The following MAST4 variants were observed in gnomAD, a reference collection of about 807,000 sequenced individuals.
MAST4 encodes microtubule-associated serine/threonine-protein kinase 4.
MAST4 carries 89 observed loss-of-function variants against 162.7 expected under a neutral mutation model. The observed-to-expected ratio is 0.55, with a 90% confidence interval of 0.46 to 0.65. MAST4 has a LOEUF of 0.65. Ranked by LOEUF, MAST4 falls within the 30% of genes least tolerant of loss-of-function variation. The pLI is 0.00. For synonymous variants in MAST4, 1,479 were observed against 1,361.1 expected, an observed-to-expected ratio of 1.09 and a Z score of -1.91; for missense variants, 3,153 against 3,374.0, an observed-to-expected ratio of 0.93 and a Z score of 1.62.
rs1446031507 is a variant in MAST4, at chr5:67,165,673, C to T, written c.6494C>T (p.Ala2165Val). The T allele has an allele frequency of 6.3e-7, 1 of 1,593,384 alleles. No individual in the cohort carries two copies. Among genetic ancestry groups the T allele is most frequent in the Admixed American group, 1.8e-5 (1 of 56,352 alleles). The change falls in exon 29 of 29, where the codon GCC becomes GTC. Residue 2165 changes from alanine (A) to valine (V), a missense_variant. Ala to Val is a moderately conservative substitution (Grantham distance 64). Coordinates refer to ENST00000403625, the MANE Select transcript of MAST4 (RefSeq NM_001164664.2). Reference protein sequence around the residue: ...PSHASGREPGAKPSTAEPSSS... With the variant: ...PSHASGREPGVKPSTAEPSSS... ...CACGCTTCTGGCAGAGAGCCGGGGG[C>T]CAAGCCCAGCACTGCAGAGCCCAGC...
rs371869268 is a variant in MAST4, at chr5:66,807,013, T to C, written c.642+18219T>C. Among the ~76,000 whole-genome samples, 1,186 of 152,302 alleles carry C rather than the reference T, an allele frequency of 7.8e-3. 8 individuals carry two copies. Among genetic ancestry groups the C allele is most frequent in the Non-Finnish European group, 0.011 (716 of 68,024 alleles). On this transcript the variant is annotated intron_variant, in intron 3 of 28. Transcript: ENST00000403625. ...GGTACCATGTCTCACATCACTCTTA[T>C]CTACATTAAATTTTTAAAAAGCTTT...
chr5:66,981,967 T>C (rs771366412), intron 4 of MAST4, among the ~76,000 whole-genome samples: 8 of 152,196 alleles, frequency 5.3e-5, no homozygotes, highest in Non-Finnish European at 8.8e-5. Context: ...TATCCCATGA[T>C]TTTTTATTGT....
intron 3 of MAST4, among the ~76,000 whole-genome samples, chr5:66,803,933 T>C (rs1756047549): frequency 6.6e-6 from 1 of 152,022 alleles, no homozygotes; most frequent in Admixed American, 6.5e-5. Flanking sequence ...TGATAAATGC[T>C]ATGGGCTTTT....
intron 4 of MAST4, among the ~76,000 whole-genome samples, chr5:66,975,912 T>C (rs1340216856): frequency 1.3e-5 from 2 of 152,222 alleles, no homozygotes; most frequent in Middle Eastern, 3.4e-3. Context: ...TGAAAATTGC[T>C]TGAACCCAGG....
At chr5:66,858,867 G>A (rs760661108) in intron 3 of MAST4, among the ~76,000 whole-genome samples, 1 of 151,880 alleles carries the variant, frequency 6.6e-6, no homozygotes, top group African/African-American at 2.4e-5. Flanking sequence ...TATAGATGTT[G>A]TTCATCCTTT....
chr5:66,848,815 C>G (rs1222940592), intron 3 of MAST4, among the ~76,000 whole-genome samples: 1 of 152,078 alleles, frequency 6.6e-6, no homozygotes, highest in African/African-American at 2.4e-5. Flanking sequence ...TTCCATAGAC[C>G]CTCTTGCCAG....
At chr5:66,763,272 G>C (rs973647000) in intron 2 of MAST4, among the ~76,000 whole-genome samples, 2 of 152,154 alleles carry the variant, frequency 1.3e-5, no homozygotes, top group Admixed American at 1.3e-4. Flanking sequence ...TCTTAGGTGG[G>C]AAAATTGTTC....
At position 67,149,472 on chromosome 5, in the gene MAST4, A is replaced by G. The variant is rs1390610366; in HGVS notation, c.3178A>G (p.Ser1060Gly). ...TACAGATAATTCCTCAAAGCCATCC[A>G]GTGAACCCGCTTCTCACATGGCTCG... Reference protein sequence around the residue: ...DSTDNSSKPSSEPASHMARQR... With the variant: ...DSTDNSSKPSGEPASHMARQR... The change falls in exon 24 of 29, where the codon AGT becomes GGT. Residue 1060 changes from serine (S) to glycine (G), a missense_variant. Physicochemically the swap from Ser to Gly is moderately conservative, Grantham distance 56. Coordinates refer to ENST00000403625, the MANE Select transcript of MAST4 (RefSeq NM_001164664.2). The G allele has an allele frequency of 1.2e-6, 2 of 1,613,828 alleles. No individual in the cohort carries two copies. Among genetic ancestry groups the G allele is most frequent in the Non-Finnish European group, 1.7e-6 (2 of 1,179,824 alleles).
chr5:66,833,406 T>G (rs1757748167), intron 3 of MAST4, among the ~76,000 whole-genome samples: 1 of 152,188 alleles, frequency 6.6e-6, no homozygotes, highest in Non-Finnish European at 1.5e-5. Context: ...CATCTCCTAT[T>G]CATCCTGCTT....
chr5:67,078,328 G>A (rs1761921378), intron 5 of MAST4, among the ~76,000 whole-genome samples: 3 of 137,070 alleles, frequency 2.2e-5, no homozygotes, highest in Admixed American at 1.4e-4. Flanking sequence ...GGGTTGCCTT[G>A]ATGTGAAAAA....
At chr5:66,914,730 C>T (rs1763993430) in intron 4 of MAST4, among the ~76,000 whole-genome samples, 1 of 152,134 alleles carries the variant, frequency 6.6e-6, no homozygotes, top group Non-Finnish European at 1.5e-5. Context: ...TTATCTAGGA[C>T]AGTGGGTCTC....
intron 1 of MAST4, 147 bp downstream of exon 1, chr5:66,597,165 C>G: frequency 1.8e-6 from 2 of 1,107,042 alleles, no homozygotes; most frequent in Non-Finnish European, 2.3e-6. Flanking sequence ...CACGGGACAA[C>G]GATAGTTAGG....
chr5:66,605,514 C>CCTTT (rs1395690264), intron 1 of MAST4, among the ~76,000 whole-genome samples: 1 of 152,126 alleles, frequency 6.6e-6, no homozygotes, highest in Non-Finnish European at 1.5e-5. Flanking sequence ...TAAGACTGTC[C>CCTTT]CTTTGCCTTA....
intron 4 of MAST4, among the ~76,000 whole-genome samples, chr5:67,032,686 T>C (rs1755500048): frequency 6.6e-6 from 1 of 152,172 alleles, no homozygotes; most frequent in South Asian, 2.1e-4. Flanking sequence ...ACCTATTTCA[T>C]ATGGTCACAT....
intron 4 of MAST4, among the ~76,000 whole-genome samples, chr5:66,966,173 T>C (rs1202099360): frequency 1.3e-5 from 2 of 152,202 alleles, no homozygotes; most frequent in Admixed American, 1.3e-4. Flanking sequence ...AAATGAAGTC[T>C]CAAATCTTTC....
At position 67,163,735 on chromosome 5, in the gene MAST4, G is replaced by A. The variant is rs968258467; in HGVS notation, c.4556G>A (p.Gly1519Asp). The part of the protein sequence containing the change: ...CLKRPVSRKV[G>D]RQESVDDLDR... ...AAACGCCCAGTCTCCCGGAAGGTGGGCCGCCAGGAGTCTGTGGACGACCTG... is the reference window on the plus strand; with the variant it reads ...AAACGCCCAGTCTCCCGGAAGGTGGACCGCCAGGAGTCTGTGGACGACCTG... Residue 1519 changes from glycine to aspartate, a missense_variant, in exon 29 of 29, where the codon GGC becomes GAC. Transcript: ENST00000403625. The surrounding 1 kb of genome is among the most constrained non-coding windows in gnomAD (Gnocchi z 7.0). 3.1e-6 allele frequency: 5 copies of A among 1,608,554 alleles called. No homozygotes were observed. In the South Asian group the frequency reaches 5.5e-5, roughly 18 times the overall value.
chr5:67,156,640 A>G (rs1192017346), intron 26 of MAST4, among the ~76,000 whole-genome samples: 1 of 152,248 alleles, frequency 6.6e-6, no homozygotes, highest in Admixed American at 6.5e-5. Flanking sequence ...GTGTGTAAAC[A>G]TGAGGACAGG....
Position 67,081,113 on chromosome 5 carries a change from T to TA in MAST4, c.764-9048dup. Among the ~76,000 whole-genome samples the TA allele has an allele frequency of 2.8e-5, 4 of 142,118 alleles. No homozygotes were observed. The South Asian group carries it at 8.6e-4, about 31-fold the overall frequency. 93.2% of individuals were successfully genotyped at this position (142,118 alleles called of 152,430 possible). On this transcript the variant is annotated intron_variant, in intron 5 of 28. Transcript: ENST00000403625. ...ATAATATATAATTGTATATATTATA[T>TA]ATTTTTTTTTAACAGAGGTTTTAAA...
At chr5:66,842,559 C>T (rs766915156) in intron 3 of MAST4, among the ~76,000 whole-genome samples, 2 of 151,708 alleles carry the variant, frequency 1.3e-5, no homozygotes, top group Non-Finnish European at 2.9e-5. Flanking sequence ...TGCTTCCTAT[C>T]CAGAATTTGT....
Sources: allele counts gnomAD v4.1 joint callset (sites outside exome capture counted in the v4.1 genomes callset), GRCh38; gene constraint gnomAD v4.1.1; non-coding constraint Gnocchi (gnomAD v3.1); transcripts MANE v1.5; gene names NCBI Gene and HGNC (gene_info 2026-07-23, HGNC 2026-07-21).